The following CAMKMT variants were observed in gnomAD, a reference collection of about 807,000 sequenced individuals.
CAMKMT encodes CaM KMT.
Under a neutral mutation model 48.0 loss-of-function variants are expected in CAMKMT, and 53 were observed. The observed-to-expected ratio is 1.10, with a 90% CI of 0.89 to 1.39. CAMKMT has a LOEUF of 1.39. Ranked by LOEUF, CAMKMT falls within the 40% of genes most tolerant of loss-of-function variation. The pLI is 0.00. For synonymous variants in CAMKMT, 165 were observed against 152.3 expected, an observed-to-expected ratio of 1.08 and a Z score of -0.61; for missense variants, 428 against 402.7, an observed-to-expected ratio of 1.06 and a Z score of -0.54.
intron 3 of CAMKMT, among the ~76,000 whole-genome samples, chr2:44,655,781 C>T (rs1380948495): frequency 6.6e-6 from 1 of 152,172 alleles, no homozygotes; most frequent in Non-Finnish European, 1.5e-5. Flanking sequence ...GCTTGTTCAA[C>T]TTGATGACAT....
chr2:44,668,633 A>G (rs918669551), intron 3 of CAMKMT, among the ~76,000 whole-genome samples: 2 of 152,166 alleles, frequency 1.3e-5, no homozygotes, highest in African/African-American at 4.8e-5. Flanking sequence ...TTTTTGAAAT[A>G]CACATACAAG....
Position 44,447,470 on chromosome 2 carries a change from A to G in CAMKMT, c.376+57165A>G, listed in dbSNP as rs1175554873. Reference sequence around the variant, plus strand: ...GTGAATGTATCAGTCATAGTGGGATAGGTTATGTTGCAATAATAAACAGCC... The same window carrying G: ...GTGAATGTATCAGTCATAGTGGGATGGGTTATGTTGCAATAATAAACAGCC... On this transcript the variant is annotated intron_variant, in intron 3 of 10. Coordinates refer to ENST00000378494, the MANE Select transcript of CAMKMT (RefSeq NM_024766.5). Among the ~76,000 whole-genome samples the G allele has an allele frequency of 2.6e-5, 4 of 152,356 alleles. No individual in the cohort carries two copies. In the East Asian group the frequency reaches 7.7e-4, roughly 29 times the overall value.
chr2:44,424,398 G>C (rs138911170), intron 3 of CAMKMT, among the ~76,000 whole-genome samples: 1 of 152,126 alleles, frequency 6.6e-6, no homozygotes, highest in Non-Finnish European at 1.5e-5. Flanking sequence ...CCATGTGAAA[G>C]GGCCGTGATA....
At chr2:44,471,656 T>C (rs577618989) in intron 3 of CAMKMT, among the ~76,000 whole-genome samples, 13 of 152,222 alleles carry the variant, frequency 8.5e-5, no homozygotes, top group African/African-American at 2.9e-4. Context: ...AGTAGTTAGA[T>C]GGTATAGCTT....
intron 3 of CAMKMT, among the ~76,000 whole-genome samples, chr2:44,591,413 A>G (rs1022223385): frequency 6.6e-5 from 10 of 151,754 alleles, no homozygotes; most frequent in African/African-American, 1.7e-4. Flanking sequence ...ATTTGTTTGT[A>G]TCCTCTTTTA....
At chr2:44,707,347 C>T (rs1677615498) in intron 5 of CAMKMT, 52 bp from the exon 6 acceptor site, 2 of 1,535,342 alleles carry the variant, frequency 1.3e-6, no homozygotes, top group African/African-American at 1.4e-5. Flanking sequence ...TTCACTTCCA[C>T]ACAGACAAGC....
intron 3 of CAMKMT, among the ~76,000 whole-genome samples, chr2:44,623,565 C>T (rs1672312717): frequency 1.3e-5 from 2 of 152,122 alleles, no homozygotes; most frequent in Admixed American, 1.3e-4. Flanking sequence ...TACCCCAGCA[C>T]CATTTATTGA....
rs777893861 is a variant in CAMKMT, at chr2:44,372,831, T to C, written c.254T>C (p.Val85Ala). ...EGKERETEEE[V>A]GAWVQYTSIF... Reference sequence around the variant, plus strand: ...AAAGAAAGGGAAACTGAAGAGGAGGTTGGTGCATGGGTCCAATATACAAGC... The same window carrying C: ...AAAGAAAGGGAAACTGAAGAGGAGGCTGGTGCATGGGTCCAATATACAAGC... Residue 85 changes from valine (V) to alanine (A), a missense_variant, in exon 2 of 11, where the codon GTT becomes GCT. Val to Ala is a moderately conservative substitution (Grantham distance 64). Transcript: ENST00000378494. 37 of 1,613,672 alleles carry C rather than the reference T, an allele frequency of 2.3e-5. No homozygotes were observed. Among genetic ancestry groups the C allele is most frequent in the Non-Finnish European group, 3.1e-5 (36 of 1,179,896 alleles).
chr2:44,480,857 C>G (rs914788168), intron 3 of CAMKMT, among the ~76,000 whole-genome samples: 1 of 151,878 alleles, frequency 6.6e-6, no homozygotes, highest in Non-Finnish European at 1.5e-5. Context: ...TTAAAACATA[C>G]ATATTTATAT....
chr2:44,624,743 G>T (rs1672386558), intron 3 of CAMKMT, among the ~76,000 whole-genome samples: 1 of 152,090 alleles, frequency 6.6e-6, no homozygotes, highest in South Asian at 2.1e-4. Context: ...CATTTGGGTT[G>T]GTTCCAAGTC....
chr2:44,655,011 A>G (rs1187764007), intron 3 of CAMKMT, among the ~76,000 whole-genome samples: 1 of 152,160 alleles, frequency 6.6e-6, no homozygotes, highest in Non-Finnish European at 1.5e-5. Flanking sequence ...TGCTGTGATG[A>G]ACTTTCTTAT....
intron 3 of CAMKMT, among the ~76,000 whole-genome samples, chr2:44,670,364 A>C (rs1010740386): frequency 1.3e-5 from 2 of 152,262 alleles, no homozygotes; most frequent in Non-Finnish European, 2.9e-5. Flanking sequence ...GGATCACTTG[A>C]CACCAGGAGT....
At chr2:44,736,681 C>G (rs1054006739) in intron 7 of CAMKMT, among the ~76,000 whole-genome samples, 3 of 152,180 alleles carry the variant, frequency 2.0e-5, no homozygotes, top group Non-Finnish European at 4.4e-5. Context: ...ACAGCTCACT[C>G]TTTATTTTAT....
chr2:44,439,276 C>T (rs533511976), intron 3 of CAMKMT, among the ~76,000 whole-genome samples: 74 of 152,250 alleles, frequency 4.9e-4, no homozygotes, highest in Admixed American at 8.5e-4. Context: ...TCTCTTACCA[C>T]CCCAATGACT....
intron 3 of CAMKMT, among the ~76,000 whole-genome samples, chr2:44,437,350 C>A (rs1395259277): frequency 6.6e-6 from 1 of 152,164 alleles, no homozygotes; most frequent in African/African-American, 2.4e-5. Context: ...AATCAGACTT[C>A]TGCTTCAATC....
At chr2:44,430,513 A>G (rs1684586023) in intron 3 of CAMKMT, among the ~76,000 whole-genome samples, 1 of 150,856 alleles carries the variant, frequency 6.6e-6, no homozygotes. Flanking sequence ...CTAGACCCAG[A>G]GCTACTTGTT....
At chr2:44,761,909 T>C (rs1342825410) in intron 9 of CAMKMT, among the ~76,000 whole-genome samples, 1 of 152,184 alleles carries the variant, frequency 6.6e-6, no homozygotes, top group South Asian at 2.1e-4. Context: ...AATACCCACA[T>C]GCAGAGATGT....
chr2:44,751,892 A>G (rs1042002747), intron 8 of CAMKMT, among the ~76,000 whole-genome samples: 2 of 152,296 alleles, frequency 1.3e-5, no homozygotes, highest in South Asian at 2.1e-4. Flanking sequence ...AGGCAGTCAC[A>G]TGGTGAGAGA....
rs1041773816 is a variant in CAMKMT at position 44,657,760 on chromosome 2, C to G, written c.377-46523C>G. Among the ~76,000 whole-genome samples, 1 of 152,042 alleles carries G rather than the reference C, an allele frequency of 6.6e-6. No homozygotes were observed. Among genetic ancestry groups the G allele is most frequent in the Non-Finnish European group, 1.5e-5 (1 of 68,016 alleles). Reference sequence around the variant, plus strand: ...ACCAAAAAAAGCTTATTTTGGTAACCGAATAACTGACAATGATGGATTCTC... The same window carrying G: ...ACCAAAAAAAGCTTATTTTGGTAACGGAATAACTGACAATGATGGATTCTC... On this transcript the variant is annotated intron_variant, in intron 3 of 10. Transcript: ENST00000378494. This position sits in a 1 kb window ranked among gnomAD's most constrained non-coding sequence, Gnocchi z 4.3.
Sources: gnomAD v4.1 joint callset for allele counts (sites outside exome capture counted in the v4.1 genomes callset) on GRCh38, gnomAD v4.1.1 for gene constraint, Gnocchi (gnomAD v3.1) non-coding constraint, MANE v1.5 for transcripts, NCBI Gene and HGNC (gene_info 2026-07-23, HGNC 2026-07-21) for gene names.